The following PMS1 variants were observed in gnomAD, a reference collection of about 807,000 sequenced individuals.
The protein encoded by PMS1 is PMS1 protein homolog 1.
Under a neutral mutation model 93.1 loss-of-function variants are expected in PMS1, and 79 were observed. The observed-to-expected ratio is 0.85, with a 90% CI of 0.71 to 1.02. The LOEUF is 1.02. Ranked by LOEUF, PMS1 falls within the 50% of genes least tolerant of loss-of-function variation. PMS1 has a pLI of 0.00. For synonymous variants in PMS1, 335 were observed against 363.4 expected (o/e 0.92, Z 0.89); for missense variants, 1,064 against 1,085.3 (o/e 0.98, Z 0.28).
chr2:189,839,099 C>T (rs2053617456), intron 5 of PMS1, among the ~76,000 whole-genome samples: 1 of 152,024 alleles, frequency 6.6e-6, no homozygotes, highest in South Asian at 2.1e-4. Context: ...TCAAGTGATT[C>T]TCATGCCTTA....
intron 4 of PMS1, among the ~76,000 whole-genome samples, chr2:189,817,602 T>C (rs762432173): frequency 3.3e-5 from 5 of 152,184 alleles, no homozygotes; most frequent in Admixed American, 2.0e-4. Flanking sequence ...TTACCAGATA[T>C]TATTTCAGGT....
chr2:189,813,070 T>G (rs1262794419), intron 4 of PMS1, among the ~76,000 whole-genome samples: 1 of 152,238 alleles, frequency 6.6e-6, no homozygotes, highest in African/African-American at 2.4e-5. Flanking sequence ...TACTGTAAGA[T>G]ACTGTCTTCA....
At chr2:189,818,258 AT>A in intron 5 of PMS1, 78 bp downstream of exon 5, 1 of 939,834 alleles carries the variant, frequency 1.1e-6, no homozygotes, top group Non-Finnish European at 1.7e-6. Context: ...TCAGTTAGAT[AT>A]GGGCTATGAC....
intron 4 of PMS1, among the ~76,000 whole-genome samples, chr2:189,817,011 G>A (rs542197227): frequency 6.6e-6 from 1 of 152,050 alleles, no homozygotes; most frequent in South Asian, 2.1e-4. Context: ...CTAAATCAGT[G>A]GTTCTCAACC....
In PMS1 at chr2:189,864,228, G is replaced by T. The variant is rs1374850487; in HGVS notation, c.2342G>T (p.Ser781Ile). 2 of 1,586,450 alleles carry T rather than the reference G, an allele frequency of 1.3e-6. No homozygotes were observed. The highest frequency in any genetic ancestry group is 1.1e-5 in the South Asian group (1 of 90,258). ...PLEKPIMLTE[S>I]LFNGSHYLDV... Reference sequence around the variant, plus strand: ...GAAAAGCCAATTATGTTAACAGAGAGGTATGATGATACAATACTTTTTAAG... The same window carrying T: ...GAAAAGCCAATTATGTTAACAGAGATGTATGATGATACAATACTTTTTAAG... Residue 781 changes from serine (S) to isoleucine (I), a missense_variant and splice_region_variant, in exon 10 of 13, where the codon AGT (serine) becomes ATT (isoleucine). Physicochemically the swap from Ser to Ile is moderately radical, Grantham distance 142 (BLOSUM62 -2). Coordinates refer to ENST00000441310, the MANE Select transcript of PMS1 (RefSeq NM_000534.5).
chr2:189,790,186 A>G (rs1012182926), intron 1 of PMS1, among the ~76,000 whole-genome samples: 3 of 152,196 alleles, frequency 2.0e-5, no homozygotes, highest in African/African-American at 7.2e-5. Flanking sequence ...ATTAACAGTA[A>G]TCCTAACTCT....
In PMS1 at chr2:189,791,736, C is replaced by G. The variant is rs549270306; in HGVS notation, c.-20-54C>G. The G allele has an allele frequency of 6.3e-6, 8 of 1,263,498 alleles. No individual in the cohort carries two copies. In the South Asian group the frequency reaches 8.4e-5, roughly 13 times the overall value. The allele number at this position is 1,263,498 out of a possible 1,614,324, so 78.3% of individuals were successfully genotyped here. On this transcript the variant is annotated intron_variant, in intron 1 of 12. Transcript: ENST00000441310. The stretch of plus-strand genomic sequence containing the variant: ...ATCTGTCATTATTATTGCCATTTGT[C>G]CTGTTGGTCAGGAATGCTTAACAAT...
chr2:189,806,702 G>A (rs2106282382), intron 4 of PMS1: 2 of 201,234 alleles, frequency 9.9e-6, no homozygotes, highest in South Asian at 3.8e-4. Flanking sequence ...CAGCTGATAA[G>A]TGTTTAAATT....
At chr2:189,834,810 G>A (rs1013127474) in intron 5 of PMS1, among the ~76,000 whole-genome samples, 6 of 152,080 alleles carry the variant, frequency 3.9e-5, no homozygotes, top group African/African-American at 1.2e-4. Context: ...GCTCACTTCA[G>A]CCTCAAACTC....
chr2:189,827,345 C>T (rs767034535), intron 5 of PMS1, among the ~76,000 whole-genome samples: 4 of 152,076 alleles, frequency 2.6e-5, no homozygotes, highest in Non-Finnish European at 5.9e-5. Context: ...GAGATTAGGC[C>T]AATGAAAGTC....
At chr2:189,840,793 A>G (rs1047638196) in intron 5 of PMS1, among the ~76,000 whole-genome samples, 5 of 152,220 alleles carry the variant, frequency 3.3e-5, no homozygotes, top group African/African-American at 9.6e-5. Flanking sequence ...GTAGCTTTCA[A>G]TCTTTTTGGA....
chr2:189,849,867 CT>C lies in PMS1; in HGVS notation c.700-2769del, dbSNP rs751444288. Among the ~76,000 whole-genome samples the C allele has an allele frequency of 5.0e-3, 589 of 118,852 alleles. 4 individuals are homozygous for C. Among genetic ancestry groups the C allele is most frequent in the African/African-American group, 0.01 (319 of 31,072 alleles). The allele number at this position is 118,852 out of a possible 152,430, so 78.0% of individuals were successfully genotyped here. A position where few individuals can be genotyped will look rare whatever the true frequency, so the allele number is the denominator to read the frequency against. On this transcript the variant is annotated intron_variant, in intron 6 of 12. Coordinates refer to ENST00000441310, the MANE Select transcript of PMS1 (RefSeq NM_000534.5). ...AGACAGTGGCCACGGTATTTTTAAACTTTTTTTTTTTTTTTTTTTGGAGAAG... is the reference window on the plus strand; with the variant it reads ...AGACAGTGGCCACGGTATTTTTAAACTTTTTTTTTTTTTTTTTTGGAGAAG...
intron 4 of PMS1, among the ~76,000 whole-genome samples, chr2:189,810,850 C>G (rs774516734): frequency 9.2e-5 from 14 of 151,878 alleles, no homozygotes; most frequent in Non-Finnish European, 1.5e-4. Context: ...TCTTTAGTAT[C>G]CTTTTATATT....
Position 189,864,190 on chromosome 2 carries a change from T to C in PMS1, c.2304T>C (p.Pro768=), listed in dbSNP as rs1319745230. 3 of 1,610,170 alleles carry C rather than the reference T, an allele frequency of 1.9e-6. No homozygotes were observed. In the South Asian group the frequency reaches 3.3e-5, roughly 18 times the overall value. The change falls in exon 10 of 13, where the codon CCT becomes CCC. Residue 768 remains proline, a synonymous_variant. Transcript: ENST00000441310. ...FKRLLENHKL[P]AEPLEKPIML... ...GACTTCTTGAGAATCATAAACTTCC[T>C]GCAGAGCCACTGGAAAAGCCAATTA...
chr2:189,851,886 A>G (rs1235342518), intron 6 of PMS1, among the ~76,000 whole-genome samples: 2 of 152,182 alleles, frequency 1.3e-5, no homozygotes, highest in African/African-American at 2.4e-5. Context: ...TCTTAACAGT[A>G]TAGGATGTTG....
chr2:189,831,739 A>G (rs757003944), intron 5 of PMS1, among the ~76,000 whole-genome samples: 3 of 152,228 alleles, frequency 2.0e-5, no homozygotes, highest in Non-Finnish European at 4.4e-5. Context: ...TTCAGAGAGA[A>G]AAGCTAATCA....
chr2:189,874,478 T>G (rs2057398462), intron 12 of PMS1, among the ~76,000 whole-genome samples: 1 of 152,160 alleles, frequency 6.6e-6, no homozygotes, highest in South Asian at 2.1e-4. Flanking sequence ...AGAAAAGGAT[T>G]AAGGAAGGTT....
At chr2:189,809,539 C>T (rs1349652349) in intron 4 of PMS1, among the ~76,000 whole-genome samples, 2 of 124,958 alleles carry the variant, frequency 1.6e-5, no homozygotes, top group Non-Finnish European at 3.2e-5. Flanking sequence ...TTTATTCAAA[C>T]ATATAATTCT....
intron 5 of PMS1, among the ~76,000 whole-genome samples, chr2:189,827,963 A>G (rs909345321): frequency 1.2e-4 from 18 of 151,940 alleles, no homozygotes; most frequent in East Asian, 3.9e-4. Flanking sequence ...TTGCTCTGTC[A>G]CCCAGGCTGG....
Sources: gnomAD v4.1 joint callset for allele counts (sites outside exome capture counted in the v4.1 genomes callset) on GRCh38, gnomAD v4.1.1 for gene constraint, MANE v1.5 for transcripts, NCBI Gene and HGNC (gene_info 2026-07-23, HGNC 2026-07-21) for gene names.